HHAT: variants seen among roughly 807,000 people sequenced by gnomAD.
The protein encoded by HHAT is hedgehog acyltransferase, also known as protein-cysteine N-palmitoyltransferase HHAT.
Under a neutral mutation model 70.8 loss-of-function variants are expected in HHAT, and 47 were observed. The ratio of observed to expected loss-of-function variants is 0.66; its 90% CI spans 0.53 to 0.85. The LOEUF is 0.85. Ranked by LOEUF, HHAT falls within the 40% of genes least tolerant of loss-of-function variation. HHAT has a pLI of 0.00. For synonymous variants in HHAT, 228 were observed against 247.6 expected (o/e 0.92, Z 0.74); for missense variants, 609 against 604.8 (o/e 1.01, Z -0.07).
At chr1:210,329,310 G>A in intron 1 of HHAT, 1 of 1,221,608 alleles carries the variant, frequency 8.2e-7, no homozygotes, top group South Asian at 4.0e-5. Context: ...AGTGCGCCCG[G>A]GCAAAGGCGG....
intron 7 of HHAT, among the ~76,000 whole-genome samples, chr1:210,424,447 ACT>A (rs143689439): frequency 0.032 from 4,547 of 142,454 alleles, 141 homozygotes; most frequent in East Asian, 0.19. Context: ...TTTTTTTTTA[ACT>A]CTCTGTGTTC....
intron 1 of HHAT, among the ~76,000 whole-genome samples, chr1:210,333,483 C>T (rs1331730307): frequency 6.6e-6 from 1 of 152,104 alleles, no homozygotes; most frequent in Non-Finnish European, 1.5e-5. Flanking sequence ...AGTATATGTA[C>T]TTCTTTATCA....
chr1:210,564,911 A>G (rs1654291418), intron 9 of HHAT, among the ~76,000 whole-genome samples: 1 of 152,078 alleles, frequency 6.6e-6, no homozygotes, highest in South Asian at 2.1e-4. Flanking sequence ...TCTTTCAAGG[A>G]CCTTAAATAC....
intron 7 of HHAT, chr1:210,462,399 C>T (rs1332980696): frequency 6.6e-6 from 1 of 152,220 alleles, no homozygotes; most frequent in Non-Finnish European, 1.5e-5. Context: ...CCTAGTGGTT[C>T]ATTTTGCATG....
At chr1:210,591,804 A>G (rs1000428674) in intron 10 of HHAT, among the ~76,000 whole-genome samples, 1 of 152,098 alleles carries the variant, frequency 6.6e-6, no homozygotes, top group Non-Finnish European at 1.5e-5. Flanking sequence ...ACTTTTTCAT[A>G]TACCTGTTTG....
chr1:210,560,985 TA>T (rs2095618290), intron 9 of HHAT, among the ~76,000 whole-genome samples: 1 of 152,110 alleles, frequency 6.6e-6, no homozygotes, highest in South Asian at 2.1e-4. Context: ...CTGAGGCCAG[TA>T]TCTATGAGGT....
At chr1:210,549,929 A>C (rs1384392256) in intron 9 of HHAT, among the ~76,000 whole-genome samples, 1 of 148,054 alleles carries the variant, frequency 6.8e-6, no homozygotes, top group Non-Finnish European at 1.5e-5. Flanking sequence ...AAAAAAACAG[A>C]GTTGTCATCT....
intron 9 of HHAT, among the ~76,000 whole-genome samples, chr1:210,580,646 A>G (rs912457224): frequency 3.9e-5 from 6 of 152,068 alleles, no homozygotes; most frequent in Admixed American, 2.6e-4. Flanking sequence ...AGCTTCATCC[A>G]TGTCCCTGCA....
intron 10 of HHAT, among the ~76,000 whole-genome samples, chr1:210,594,238 C>G (rs1458392664): frequency 1.3e-5 from 2 of 152,078 alleles, no homozygotes; most frequent in Non-Finnish European, 2.9e-5. Flanking sequence ...TCTTCTCCTT[C>G]TTTCCCTCCT....
intron 7 of HHAT, among the ~76,000 whole-genome samples, chr1:210,430,227 C>G (rs1379119559): frequency 6.6e-6 from 1 of 151,776 alleles, no homozygotes; most frequent in Non-Finnish European, 1.5e-5. Context: ...TCCTTAGTTT[C>G]TGGAACTGAA....
intron 1 of HHAT, among the ~76,000 whole-genome samples, chr1:210,348,019 G>T (rs557516835): frequency 1.7e-4 from 26 of 152,172 alleles, no homozygotes; most frequent in Admixed American, 4.6e-4. Flanking sequence ...GGTAGTGAGG[G>T]GCGGTGGGTA....
intron 3 of HHAT, among the ~76,000 whole-genome samples, chr1:210,379,670 C>T (rs550569987): frequency 6.6e-6 from 1 of 152,302 alleles, no homozygotes; most frequent in African/African-American, 2.4e-5. Context: ...AGCTTGAAAA[C>T]TCCTGGAGTT....
intron 9 of HHAT, among the ~76,000 whole-genome samples, chr1:210,542,283 C>T (rs1348663715): frequency 2.6e-5 from 4 of 152,278 alleles, no homozygotes; most frequent in Middle Eastern, 3.4e-3. Flanking sequence ...TGGCCTCCAA[C>T]TGCCCAAATT....
At chr1:210,620,235 C>A (rs1668563015) in intron 10 of HHAT, among the ~76,000 whole-genome samples, 1 of 152,182 alleles carries the variant, frequency 6.6e-6, no homozygotes, top group Admixed American at 6.5e-5. Context: ...AGGGAATATA[C>A]CCTCTAATTT....
At chr1:210,589,618 T>G (rs1661221750) in intron 10 of HHAT, 1 of 152,260 alleles carries the variant, frequency 6.6e-6, no homozygotes. Context: ...AACATTAACC[T>G]TGAACTTAAT....
intron 9 of HHAT, among the ~76,000 whole-genome samples, chr1:210,546,605 G>T (rs1236918732): frequency 6.6e-6 from 1 of 152,196 alleles, no homozygotes; most frequent in Non-Finnish European, 1.5e-5. Flanking sequence ...CTGGCATGAG[G>T]AACCTCCACA....
intron 10 of HHAT, among the ~76,000 whole-genome samples, chr1:210,622,336 A>G (rs1669000005): frequency 6.6e-6 from 1 of 152,158 alleles, no homozygotes; most frequent in Admixed American, 6.5e-5. Context: ...GGAGGTGCTT[A>G]TCAGATACCC....
intron 11 of HHAT, among the ~76,000 whole-genome samples, chr1:210,645,806 C>T (rs1673926856): frequency 6.6e-6 from 1 of 152,156 alleles, no homozygotes; most frequent in Non-Finnish European, 1.5e-5. Flanking sequence ...GCAGCTGAGG[C>T]CTGCATCTGA....
intron 6 of HHAT, among the ~76,000 whole-genome samples, chr1:210,413,483 A>G (rs751009547): frequency 5.3e-5 from 8 of 152,180 alleles, no homozygotes; most frequent in Non-Finnish European, 8.8e-5. Flanking sequence ...TTGATTAACA[A>G]TTTTGTCTTT....
Sources: gnomAD v4.1 joint callset for allele counts (sites outside exome capture counted in the v4.1 genomes callset) on GRCh38, gnomAD v4.1.1 for gene constraint, MANE v1.5 for transcripts, NCBI Gene and HGNC (gene_info 2026-07-23, HGNC 2026-07-21) for gene names.